MYH9: variants seen among roughly 807,000 people sequenced by gnomAD.
The protein encoded by MYH9 is myosin-9.
Under a neutral mutation model 241.9 loss-of-function variants are expected in MYH9, and 29 were observed. That is an observed-to-expected ratio of 0.12 (90% CI 0.09 to 0.16). The LOEUF is 0.16. MYH9 is among the 10% of genes least tolerant of loss of function. The pLI, the probability that MYH9 is intolerant of heterozygous loss-of-function variation, is 1.00. For missense variants in MYH9, 1,803 were observed against 2,595.5 expected (o/e 0.69, Z 6.63); for synonymous variants, 1,047 against 1,062.6 (o/e 0.99, Z 0.29).
chr22:36,383,464 C>G (rs1414718075), intron 1 of MYH9, among the ~76,000 whole-genome samples: 1 of 152,166 alleles, frequency 6.6e-6, no homozygotes, highest in Admixed American at 6.5e-5. Context: ...AAAGCATCAG[C>G]AGATGGGCCT....
At chr22:36,296,813 T>A in intron 25 of MYH9, 30 bp downstream of exon 25, 2 of 1,585,938 alleles carry the variant, frequency 1.3e-6, no homozygotes, top group Non-Finnish European at 1.7e-6. Context: ...CCAGGCCACC[T>A]GGCCTCAGGC....
chr22:36,318,378 G>A, intron 10 of MYH9, 53 bp from the exon 11 acceptor site: 3 of 1,400,204 alleles, frequency 2.1e-6, no homozygotes, highest in Admixed American at 3.3e-5. Context: ...TTAGACCCAA[G>A]AGAGAAAGTT....
chr22:36,283,315 G>A (rs1202219508), intron 40 of MYH9, among the ~76,000 whole-genome samples: 3 of 151,968 alleles, frequency 2.0e-5, no homozygotes, highest in Non-Finnish European at 2.9e-5. Context: ...GGCGGGTGGA[G>A]CACCTGAGGT....
At chr22:36,383,797 A>G (rs1332972000) in intron 1 of MYH9, among the ~76,000 whole-genome samples, 1 of 151,700 alleles carries the variant, frequency 6.6e-6, no homozygotes, top group Non-Finnish European at 1.5e-5. Context: ...GTCTCTACTA[A>G]AAATACAAAA....
intron 3 of MYH9, among the ~76,000 whole-genome samples, chr22:36,337,372 G>A (rs1053831226): frequency 6.6e-6 from 1 of 152,162 alleles, no homozygotes; most frequent in Non-Finnish European, 1.5e-5. Context: ...CTGACAATAG[G>A]TGAGTGACAT....
intron 21 of MYH9, 131 bp downstream of exon 21, chr22:36,301,403 T>C (rs376660900): frequency 1.6e-6 from 2 of 1,248,156 alleles, no homozygotes; most frequent in South Asian, 1.3e-5. Flanking sequence ...CTGTTTACAG[T>C]AATAGGAAAC....
rs139466141 is a variant in MYH9 at position 36,322,519 on chromosome 22, G to A, written c.615C>T (p.Gly205=). The change falls in exon 6 of 41, where the codon GGC becomes GGT. Residue 205 remains glycine, a splice_region_variant and synonymous_variant. Transcript: ENST00000216181. ...ASSHKSKKDQ[G]ELERQLLQAN... ...CCTGCAGCAGCTGCCGCTCCAGCTC[G>A]CCCTGCAAGGAACCCAGGGACGCAG... 2.0e-4 allele frequency: 320 copies of A among 1,613,594 alleles called. 3 individuals are homozygous for A. The African/African-American group carries it at 2.9e-3, about 15-fold the overall frequency.
In MYH9 at chr22:36,319,520, C is replaced by T. The variant is rs774035987; in HGVS notation, c.1108+20G>A. ...CAAGCACCTGCCCCATTATTTCCAG[C>T]GAGAGGCCCCGGGTGTTACCTGTGT... is the stretch of plus-strand genomic sequence containing the variant. On this transcript the variant is annotated intron_variant, in intron 10 of 40. Transcript: ENST00000216181. 6.6e-5 allele frequency: 106 copies of T among 1,612,472 alleles called. No homozygotes were observed. The highest frequency in any genetic ancestry group is 5.4e-4 in the South Asian group (49 of 91,018).
chr22:36,302,269 C>T (rs1430659100), intron 20 of MYH9: 2 of 352,828 alleles, frequency 5.7e-6, no homozygotes, highest in Admixed American at 4.0e-5. Flanking sequence ...AAAAGCAGCC[C>T]GGACAAGTTT....
At chr22:36,304,974 G>A (rs2016945722) in intron 18 of MYH9, 59 bp downstream of exon 18, 1 of 1,546,810 alleles carries the variant, frequency 6.5e-7, no homozygotes, top group Non-Finnish European at 8.9e-7. Flanking sequence ...TGGCCACGTG[G>A]GCACTCCCCA....
At position 36,306,721 on chromosome 22, in the gene MYH9, GA is replaced by G; in HGVS notation, c.1844-115del. 9.5e-7 allele frequency: 1 copy of G among 1,055,578 alleles called. No individual in the cohort carries two copies. Among genetic ancestry groups the G allele is most frequent in the Non-Finnish European group, 1.4e-6 (1 of 709,328 alleles). The allele number at this position is 1,055,578 out of a possible 1,614,324, so 65.4% of individuals were successfully genotyped here. A position where few individuals can be genotyped will look rare whatever the true frequency, so the allele number is the denominator to read the frequency against. The stretch of plus-strand genomic sequence containing the variant: ...CGGACAGGAAAAGAGGAGACAGAAT[GA>G]AACAACAGGACCCTTTCCAATTGGA... On this transcript the variant is annotated intron_variant, in intron 15 of 40. Transcript: ENST00000216181. This position sits in a 1 kb window ranked among gnomAD's most constrained non-coding sequence, Gnocchi z 4.1.
rs886038513 is a variant in MYH9 at position 36,292,054 on chromosome 22, G to A, written c.4276C>T (p.Leu1426=). The A allele has an allele frequency of 6.2e-7, 1 of 1,614,176 alleles. No homozygotes were observed. Among genetic ancestry groups the A allele is most frequent in the Non-Finnish European group, 8.5e-7 (1 of 1,180,036 alleles). ...TGGCGCTGGTGGTCCAGGTCCACCA[G>A]CAGGTCGTCCAGCTCCTGCTGCAGC... ...TRLQQELDDL[L]VDLDHQRQSA... The change falls in exon 31 of 41, where the codon CTG becomes TTG. Residue 1426 remains leucine (L), a synonymous_variant. Coordinates refer to ENST00000216181, the MANE Select transcript of MYH9 (RefSeq NM_002473.6).
At chr22:36,338,437 C>G (rs1452673160) in intron 3 of MYH9, among the ~76,000 whole-genome samples, 2 of 152,200 alleles carry the variant, frequency 1.3e-5, no homozygotes, top group South Asian at 2.1e-4. Context: ...GGACCCAATT[C>G]CTGCACGGAC....
intron 34 of MYH9, among the ~76,000 whole-genome samples, chr22:36,287,674 G>A (rs974586926): frequency 2.0e-5 from 3 of 152,130 alleles, no homozygotes; most frequent in South Asian, 2.1e-4. Context: ...CCCGGGAGGC[G>A]GAGCTTGCAG....
intron 2 of MYH9, among the ~76,000 whole-genome samples, chr22:36,342,099 C>T (rs1030236470): frequency 6.6e-6 from 1 of 152,258 alleles, no homozygotes; most frequent in African/African-American, 2.4e-5. Flanking sequence ...GAGACATTCA[C>T]ATGCAAATCC....
At chr22:36,358,312 G>A (rs906269838) in intron 1 of MYH9, among the ~76,000 whole-genome samples, 5 of 152,218 alleles carry the variant, frequency 3.3e-5, no homozygotes, top group African/African-American at 4.8e-5. Context: ...CAATCCGCCC[G>A]CCTTGGCCTC....
At chr22:36,360,990 G>A (rs1289853950) in intron 1 of MYH9, among the ~76,000 whole-genome samples, 2 of 152,156 alleles carry the variant, frequency 1.3e-5, no homozygotes, top group African/African-American at 4.8e-5. Flanking sequence ...ACACACCAGG[G>A]CTGTCAGAGC....
intron 1 of MYH9, among the ~76,000 whole-genome samples, chr22:36,375,585 G>A (rs1213174656): frequency 6.6e-6 from 1 of 152,226 alleles, no homozygotes; most frequent in Non-Finnish European, 1.5e-5. Flanking sequence ...GGAGTGCAGG[G>A]CGTCTCCAAG....
rs111814132 is a variant in MYH9 at position 36,314,084 on chromosome 22, G to A, written c.1554+61C>T. 2.2e-4 allele frequency: 344 copies of A among 1,557,206 alleles called. 4 individuals carry two copies. In the South Asian group the frequency reaches 2.7e-3, roughly 12 times the overall value. On this transcript the variant is annotated intron_variant, in intron 13 of 40. Transcript: ENST00000216181. ...CCAACACAGAGCTGAGGTGAGGAGC[G>A]GGTGCCCCGGAAGGGAAAAGCCAGA...
Sources: gnomAD v4.1 joint callset for allele counts (sites outside exome capture counted in the v4.1 genomes callset) on GRCh38, gnomAD v4.1.1 for gene constraint, Gnocchi (gnomAD v3.1) non-coding constraint, MANE v1.5 for transcripts, NCBI Gene and HGNC (gene_info 2026-07-23, HGNC 2026-07-21) for gene names.